ZBTB41: variants seen among roughly 807,000 people sequenced by gnomAD.
ZBTB41 encodes zinc finger and BTB domain containing 41.
A neutral mutation model predicts 87.6 loss-of-function variants in ZBTB41; 42 were observed. That is an observed-to-expected ratio of 0.48 (90% CI 0.37 to 0.62). The LOEUF (loss-of-function observed/expected upper bound fraction) is 0.62. Among genes scored for constraint, ZBTB41 ranks in the 20% least tolerant of loss-of-function variants. ZBTB41 has a pLI of 0.00. For missense variants in ZBTB41, 799 were observed against 1,078.9 expected, an observed-to-expected ratio of 0.74 and a Z score of 3.63; for synonymous variants, 364 against 364.0, an observed-to-expected ratio of 1.00 and a Z score of 0.00.
intron 4 of ZBTB41, 99 bp downstream of exon 4, chr1:197,190,663 A>C: frequency 1.5e-6 from 1 of 653,702 alleles, no homozygotes; most frequent in Non-Finnish European, 2.6e-6. Flanking sequence ...AAAGTGAGAT[A>C]AGCTAAGTCA....
intron 6 of ZBTB41, 68 bp from the exon 7 acceptor site, chr1:197,178,580 C>CTTACT: frequency 8.7e-7 from 1 of 1,143,674 alleles, no homozygotes; most frequent in East Asian, 2.8e-5. Flanking sequence ...TTCTGGAAAA[C>CTTACT]TTACTAGAAA....
intron 10 of ZBTB41, among the ~76,000 whole-genome samples, chr1:197,161,020 C>T (rs952761038): frequency 6.6e-5 from 10 of 152,096 alleles, no homozygotes; most frequent in Admixed American, 5.9e-4. Flanking sequence ...GGCAAGAAAA[C>T]GGGAATCTCA....
intron 2 of ZBTB41, among the ~76,000 whole-genome samples, chr1:197,194,020 C>A (rs992976469): frequency 2.0e-5 from 3 of 151,794 alleles, no homozygotes; most frequent in Admixed American, 6.6e-5. Flanking sequence ...ATCTTCTCAT[C>A]TTTCTTTCTT....
intron 10 of ZBTB41, among the ~76,000 whole-genome samples, chr1:197,169,706 TA>T (rs975304209): frequency 2.0e-5 from 3 of 151,516 alleles, no homozygotes; most frequent in African/African-American, 4.8e-5. Flanking sequence ...TATACTTCAA[TA>T]AAAAAAAGCT....
Position 197,154,149 on chromosome 1 carries a change from C to T in ZBTB41, c.*5210G>A, listed in dbSNP as rs980597681. 6.6e-6 allele frequency: 1 copy of T among 152,576 alleles called. No individual in the cohort carries two copies. The highest frequency in any genetic ancestry group is 2.4e-5 in the African/African-American group (1 of 41,548). 9.5% of individuals were successfully genotyped at this position (152,576 alleles called of 1,614,324 possible). On this transcript the variant is annotated 3_prime_UTR_variant, in exon 11 of 11. Coordinates refer to ENST00000367405, the MANE Select transcript of ZBTB41 (RefSeq NM_194314.3). ...AGAAGGAATAAAAATTTTGTAATTACATCACAGTACATTGTCCAGCTTTAA... is the reference window on the plus strand; with the variant it reads ...AGAAGGAATAAAAATTTTGTAATTATATCACAGTACATTGTCCAGCTTTAA...
At position 197,199,612 on chromosome 1, in the gene ZBTB41, C is replaced by T. The variant is rs1660254428; in HGVS notation, c.862G>A (p.Glu288Lys). The change falls in exon 2 of 11, where the codon GAA becomes AAA. Residue 288 changes from glutamate (E) to lysine (K), a missense_variant. Coordinates refer to ENST00000367405, the MANE Select transcript of ZBTB41 (RefSeq NM_194314.3). Reference protein sequence around the residue: ...DNLNQENFDKEKSDRNDSEDP... With the variant: ...DNLNQENFDKKKSDRNDSEDP... ...TCAGAATCATTTCTATCTGACTTTT[C>T]CTTATCAAAATTTTCTTGATTCAAA... is the stretch of plus-strand genomic sequence containing the variant. The T allele has an allele frequency of 6.2e-7, 1 of 1,610,396 alleles. No homozygotes were observed. The highest frequency in any genetic ancestry group is 8.5e-7 in the Non-Finnish European group (1 of 1,179,170).
intron 9 of ZBTB41, among the ~76,000 whole-genome samples, chr1:197,172,982 G>A (rs140115788): frequency 1.6e-4 from 25 of 152,020 alleles, no homozygotes; most frequent in South Asian, 1.0e-3. Context: ...ATAAGTTACC[G>A]AAAAGTTAAC....
Position 197,200,567 on chromosome 1 carries a change from G to T in ZBTB41, c.-94C>A. ...TTGTCTTGGATAACAGCTTCTGAAGGGGCGTGCCCAAGGGTTTCATGGTCT... is the reference window on the plus strand; with the variant it reads ...TTGTCTTGGATAACAGCTTCTGAAGTGGCGTGCCCAAGGGTTTCATGGTCT... On this transcript the variant is annotated 5_prime_UTR_variant, in exon 2 of 11. Coordinates refer to ENST00000367405, the MANE Select transcript of ZBTB41 (RefSeq NM_194314.3). 1 of 1,294,662 alleles carries T rather than the reference G, an allele frequency of 7.7e-7. No individual in the cohort carries two copies. 80.2% of individuals were successfully genotyped at this position (1,294,662 alleles called of 1,614,324 possible). A position where few individuals can be genotyped will look rare whatever the true frequency, so the allele number is the denominator to read the frequency against.
intron 3 of ZBTB41, 71 bp from the exon 4 acceptor site, chr1:197,190,902 G>T: frequency 1.0e-6 from 1 of 1,001,684 alleles, no homozygotes; most frequent in Non-Finnish European, 1.5e-6. Context: ...ATGTGAATAT[G>T]TTGACAGTAA....
Position 197,178,490 on chromosome 1 carries a change from T to C in ZBTB41, c.1699A>G (p.Arg567Gly), listed in dbSNP as rs755587144. 1.7e-5 allele frequency: 27 copies of C among 1,606,512 alleles called. No individual in the cohort carries two copies. The highest frequency in any genetic ancestry group is 1.6e-5 in the Non-Finnish European group (19 of 1,176,534). Residue 567 changes from arginine (R) to glycine (G), a missense_variant, in exon 7 of 11, where the codon AGA (arginine) becomes GGA (glycine). By Grantham distance (125) the Arg-to-Gly change is moderately radical. This residue lies in a region of ZBTB41 where 198 missense variants were observed against 358.4 expected (regional missense o/e 0.55). Transcript: ENST00000367405. ...TGAGGCTTTTCTCCACTGTGGATTC[T>C]CAAATGTTCTTTCAAAGTAGTTCTG... ...RERTTLKEHLRIHSGEKPHLC... is the reference protein window; with the variant it reads ...RERTTLKEHLGIHSGEKPHLC...
Position 197,156,370 on chromosome 1 carries a change from C to T in ZBTB41, c.*2989G>A, listed in dbSNP as rs1016457999. ...CCCATTAGATTAACACATTCCTGCA[C>T]TTGATAAATTATTCAATTTACAGAT... is the stretch of plus-strand genomic sequence containing the variant. On this transcript the variant is annotated 3_prime_UTR_variant, in exon 11 of 11. Transcript: ENST00000367405. The T allele has an allele frequency of 6.6e-6, 1 of 152,164 alleles. No individual in the cohort carries two copies. The highest frequency in any genetic ancestry group is 1.5e-5 in the Non-Finnish European group (1 of 67,710). The allele number at this position is 152,164 out of a possible 1,614,324, so 9.4% of individuals were successfully genotyped here. A position where few individuals can be genotyped will look rare whatever the true frequency, so the allele number is the denominator to read the frequency against.
At chr1:197,162,646 T>G (rs1659229253) in intron 10 of ZBTB41, among the ~76,000 whole-genome samples, 2 of 152,138 alleles carry the variant, frequency 1.3e-5, no homozygotes, top group African/African-American at 2.4e-5. Flanking sequence ...GATAAAAGAT[T>G]TTTAAAAAAT....
intron 4 of ZBTB41, among the ~76,000 whole-genome samples, chr1:197,189,418 C>T (rs962911820): frequency 1.3e-5 from 2 of 151,500 alleles, no homozygotes; most frequent in Admixed American, 1.3e-4. Flanking sequence ...CCCAGCTACT[C>T]GGGAGGCTGA....
intron 2 of ZBTB41, among the ~76,000 whole-genome samples, chr1:197,194,178 C>T (rs1660102275): frequency 6.6e-6 from 1 of 151,998 alleles, no homozygotes; most frequent in Non-Finnish European, 1.5e-5. Flanking sequence ...GCTATACGCC[C>T]AGCTAATTTT....
intron 5 of ZBTB41, among the ~76,000 whole-genome samples, chr1:197,185,310 G>A (rs565896488): frequency 2.0e-5 from 3 of 151,984 alleles, no homozygotes; most frequent in African/African-American, 7.3e-5. Context: ...TGAACATGGA[G>A]AGGACCTCTA....
chr1:197,197,287 T>C (rs1656737178), intron 2 of ZBTB41, among the ~76,000 whole-genome samples: 1 of 151,972 alleles, frequency 6.6e-6, no homozygotes, highest in African/African-American at 2.4e-5. Flanking sequence ...TATATTACTA[T>C]AACTCAGGCT....
chr1:197,199,286 T>C, intron 2 of ZBTB41, 68 bp downstream of exon 2: 1 of 1,395,530 alleles, frequency 7.2e-7, no homozygotes, highest in Non-Finnish European at 9.4e-7. Flanking sequence ...TTAGTTTTTA[T>C]TTATCACCTT....
chr1:197,196,047 T>G (rs1237368510), intron 2 of ZBTB41, among the ~76,000 whole-genome samples: 1 of 152,124 alleles, frequency 6.6e-6, no homozygotes, highest in East Asian at 1.9e-4. Context: ...TACCAACTTT[T>G]CAACTTAGCT....
chr1:197,181,600 A>C (rs186342743), intron 5 of ZBTB41, among the ~76,000 whole-genome samples: 198 of 152,302 alleles, frequency 1.3e-3, no homozygotes, highest in African/African-American at 4.6e-3. Flanking sequence ...AACTGGAGAC[A>C]AGACAGTGTT....
Sources: allele counts gnomAD v4.1 joint callset (sites outside exome capture counted in the v4.1 genomes callset), GRCh38; gene constraint gnomAD v4.1.1; regional missense constraint gnomAD v4.1.1; transcripts MANE v1.5; gene names NCBI Gene and HGNC (gene_info 2026-07-23, HGNC 2026-07-21).